Variants in KANTR observed in about 807,000 individuals in gnomAD.
KANTR encodes the protein KANTR integral membrane protein.
At chrX:53,111,444 T>A (rs1034432251) in intron 2 of KANTR, among the ~76,000 whole-genome samples, 22 of 111,862 alleles carry the variant, frequency 2.0e-4, no homozygotes, top group African/African-American at 7.1e-4. Flanking sequence ...ATAATTTATT[T>A]CTTTTTATAA....
intron 2 of KANTR, among the ~76,000 whole-genome samples, chrX:53,109,155 A>G (rs1435387576): frequency 8.9e-6 from 1 of 112,454 alleles, no homozygotes; most frequent in Non-Finnish European, 1.9e-5. Flanking sequence ...CCAATTCATG[A>G]CCACAGGGTA....
rs782257353 is a variant in KANTR, at chrX:53,108,759, G to A, written c.-805+9151G>A. 4.6e-4 allele frequency among the ~76,000 whole-genome samples: 50 copies of A among 109,245 alleles called. No individual in the cohort carries two copies. In the South Asian group the frequency reaches 6.0e-3, roughly 13 times the overall value. The allele number at this position is 109,245 out of a possible 115,157, so 94.9% of individuals were successfully genotyped here. On this transcript the variant is annotated intron_variant, in intron 2 of 2. Coordinates refer to ENST00000604062, the Ensembl canonical transcript of KANTR. The stretch of plus-strand genomic sequence containing the variant: ...TCTGTAACCCAGGCTGCAGCGCAGC[G>A]GTGTGATCATAGCTCACTGCAACCT...
downstream of KANTR, among the ~76,000 whole-genome samples, chrX:53,144,064 A>G (rs1358002912): frequency 2.7e-5 from 3 of 111,978 alleles, no homozygotes; most frequent in African/African-American, 9.7e-5. Flanking sequence ...ATTTTCTTTT[A>G]GAAAAAAATA....
intron 1 of KANTR, among the ~76,000 whole-genome samples, chrX:53,098,050 C>CAAAAAAAAAA (rs782145330): frequency 4.5e-5 from 2 of 44,258 alleles, no homozygotes; most frequent in Non-Finnish European, 8.5e-5. Context: ...GACTCTGTCT[C>CAAAAAAAAAA]AAAAAAAAAA....
rs782017786 is a variant in KANTR, at chrX:53,121,285, G to T, written c.-804-2184G>T. ...CAAAGTGCTGGGATTATAGGAGTGA[G>T]CCACCATGCCCGGCCCTAAACTTAT... On this transcript the variant is annotated intron_variant, in intron 2 of 2. Coordinates refer to ENST00000604062, the Ensembl canonical transcript of KANTR. Among the ~76,000 whole-genome samples, 6 of 112,109 alleles carry T rather than the reference G, an allele frequency of 5.4e-5. No homozygotes were observed. In the South Asian group the frequency reaches 2.2e-3, roughly 42 times the overall value.
chrX:53,126,711 A>G (rs1288804647), exon 3 of KANTR: 1 of 112,157 alleles, frequency 8.9e-6, no homozygotes, highest in Non-Finnish European at 1.9e-5. Flanking sequence ...CATCAAAACT[A>G]CATAGTATAT....
At chrX:53,120,559 C>T (rs1399236795) in intron 2 of KANTR, among the ~76,000 whole-genome samples, 2 of 110,479 alleles carry the variant, frequency 1.8e-5, no homozygotes, top group African/African-American at 3.3e-5. Flanking sequence ...ATCTTGTGTT[C>T]GATTTATTTA....
At chrX:53,135,124 C>T (rs1329197057) in intron 2 of KANTR, among the ~76,000 whole-genome samples, 1 of 111,821 alleles carries the variant, frequency 8.9e-6, no homozygotes, top group Non-Finnish European at 1.9e-5. Context: ...CACAGTAAAA[C>T]TCAAAAGCTA....
At chrX:53,134,688 A>G (rs782704798) in intron 2 of KANTR, among the ~76,000 whole-genome samples, 1 of 112,141 alleles carries the variant, frequency 8.9e-6, no homozygotes, top group South Asian at 3.7e-4. Flanking sequence ...ACATTGGAAT[A>G]TCTGCCTATG....
intron 2 of KANTR, among the ~76,000 whole-genome samples, chrX:53,108,683 CT>C: frequency 9.9e-6 from 1 of 101,032 alleles, no homozygotes; most frequent in Admixed American, 1.1e-4. Context: ...GATAGTTTCA[CT>C]TTTTTCTTTC....
intron 2 of KANTR, among the ~76,000 whole-genome samples, chrX:53,108,917 G>A (rs1289872714): frequency 1.8e-5 from 2 of 111,154 alleles, no homozygotes; most frequent in Non-Finnish European, 3.8e-5. Context: ...GTCCAGGCTG[G>A]TCTCAAACTC....
At chrX:53,120,119 C>T (rs1933194873) in intron 2 of KANTR, among the ~76,000 whole-genome samples, 1 of 110,385 alleles carries the variant, frequency 9.1e-6, no homozygotes, top group African/African-American at 3.3e-5. Flanking sequence ...ACTGCAGCCT[C>T]AACCTCCAGG....
exon 3 of KANTR, chrX:53,124,151 T>C (rs973763801): frequency 1.0e-5 from 3 of 291,942 alleles, no homozygotes; most frequent in African/African-American, 8.2e-5. Flanking sequence ...GGATTTCTTT[T>C]TCTTCTTGAG....
chrX:53,138,635 G>T (rs1418887366), intron 2 of KANTR, among the ~76,000 whole-genome samples: 2 of 109,123 alleles, frequency 1.8e-5, no homozygotes, highest in Non-Finnish European at 3.8e-5. Flanking sequence ...AACCCAGGAG[G>T]TGGAGGTTGC....
At chrX:53,116,346 G>C (rs1933123242) in intron 2 of KANTR, among the ~76,000 whole-genome samples, 1 of 112,083 alleles carries the variant, frequency 8.9e-6, no homozygotes, top group South Asian at 3.7e-4. Flanking sequence ...CTTGCACAGG[G>C]CCTCGCAGTC....
chrX:53,107,492 T>C (rs1932970242), intron 2 of KANTR, among the ~76,000 whole-genome samples: 1 of 107,700 alleles, frequency 9.3e-6, no homozygotes, highest in Non-Finnish European at 1.9e-5. Context: ...TCATAGAGAT[T>C]ATGTTGAATC....
rs782667818 is a variant in KANTR at position 53,099,204 on chromosome X, C to T, written c.-941-268C>T. ...TGGCCAGCATGGTGAAACCTTGTCTCTACTAAATATACAGAAAAATTAGCC... is the reference window on the plus strand; with the variant it reads ...TGGCCAGCATGGTGAAACCTTGTCTTTACTAAATATACAGAAAAATTAGCC... On this transcript the variant is annotated intron_variant, in intron 1 of 2. Transcript: ENST00000604062. Among the ~76,000 whole-genome samples the T allele has an allele frequency of 2.7e-5, 3 of 110,896 alleles. No individual in the cohort carries two copies. The South Asian group carries it at 1.1e-3, about 42-fold the overall frequency.
In KANTR at chrX:53,111,222, G is replaced by A. The variant is rs143511395; in HGVS notation, c.-805+11614G>A. Among the ~76,000 whole-genome samples the A allele has an allele frequency of 8.6e-3, 927 of 108,088 alleles. 8 individuals are homozygous for A. Among genetic ancestry groups the A allele is most frequent in the Non-Finnish European group, 0.012 (632 of 52,235 alleles). 93.9% of individuals were successfully genotyped at this position (108,088 alleles called of 115,157 possible). A position where few individuals can be genotyped will look rare whatever the true frequency, so the allele number is the denominator to read the frequency against. On this transcript the variant is annotated intron_variant, in intron 2 of 2. Coordinates refer to ENST00000604062, the Ensembl canonical transcript of KANTR. ...TGTAGAGATGGGGTCTTGCTATGTT[G>A]CCCAGGCTGGTCTCAAACTCCTGCC...
intron 2 of KANTR, among the ~76,000 whole-genome samples, chrX:53,140,716 A>G (rs1393274935): frequency 1.8e-5 from 2 of 111,123 alleles, no homozygotes; most frequent in African/African-American, 6.5e-5. Flanking sequence ...TTCTCTCATT[A>G]AAGTAGAGAT....
Sources: gnomAD v4.1 joint callset for allele counts (sites outside exome capture counted in the v4.1 genomes callset) on GRCh38, gnomAD v4.1.1 for gene constraint, MANE v1.5 for transcripts, NCBI Gene and HGNC (gene_info 2026-07-23, HGNC 2026-07-21) for gene names.